CUBN: variants seen among roughly 807,000 people sequenced by gnomAD.
The protein encoded by CUBN is cubilin, also known as 460 kDa receptor.
CUBN carries 282 observed loss-of-function variants against 405.3 expected under a neutral mutation model. The observed-to-expected ratio is 0.70, with a 90% CI of 0.63 to 0.77. The LOEUF is 0.77. Ranked by LOEUF, CUBN falls within the 30% of genes least tolerant of loss-of-function variation. The pLI is 0.00. For missense variants in CUBN, 4,514 were observed against 4,475.2 expected, an observed-to-expected ratio of 1.01 and a Z score of -0.25; for synonymous variants, 1,684 against 1,617.0, an observed-to-expected ratio of 1.04 and a Z score of -0.99.
In CUBN at chr10:16,954,378, A is replaced by G; in HGVS notation, c.4855+11T>C. The G allele has an allele frequency of 6.2e-7, 1 of 1,614,080 alleles. No homozygotes were observed. The highest frequency in any genetic ancestry group is 8.5e-7 in the Non-Finnish European group (1 of 1,179,948). Reference sequence around the variant, plus strand: ...TTCTCTTGTGCCTGGGAAGATCCACAGGGTACTTGCCTTGCCTGAATTGAG... The same window carrying G: ...TTCTCTTGTGCCTGGGAAGATCCACGGGGTACTTGCCTTGCCTGAATTGAG... On this transcript the variant is annotated intron_variant, in intron 32 of 66. Coordinates refer to ENST00000377833, the MANE Select transcript of CUBN (RefSeq NM_001081.4).
intron 59 of CUBN, among the ~76,000 whole-genome samples, chr10:16,860,280 G>C (rs1439623419): frequency 1.3e-5 from 2 of 152,016 alleles, no homozygotes; most frequent in East Asian, 1.9e-4. Context: ...TCAGGATAGA[G>C]ACAAGTTGAA....
intron 14 of CUBN, among the ~76,000 whole-genome samples, chr10:17,095,314 G>A (rs1836348168): frequency 6.6e-6 from 1 of 151,870 alleles, no homozygotes; most frequent in South Asian, 2.1e-4. Flanking sequence ...AAACATACAG[G>A]AAAAGCCCTA....
At chr10:16,963,148 A>C (rs1449013906) in intron 31 of CUBN, among the ~76,000 whole-genome samples, 1 of 151,058 alleles carries the variant, frequency 6.6e-6, no homozygotes, top group African/African-American at 2.4e-5. Flanking sequence ...ATTTCGTTCC[A>C]GAAATTCTCA....
intron 29 of CUBN, among the ~76,000 whole-genome samples, chr10:16,987,868 GA>G (rs1169915609): frequency 6.6e-6 from 1 of 152,086 alleles, no homozygotes; most frequent in Non-Finnish European, 1.5e-5. Flanking sequence ...TTAGCTTTCA[GA>G]AAAAAACTTT....
rs41289311 is a variant in CUBN at position 17,088,200 on chromosome 10, G to C, written c.1911C>G (p.Leu637=). Residue 637 remains leucine (L), a synonymous_variant, in exon 15 of 67, where the codon CTC becomes CTG. Transcript: ENST00000377833. ...LVTFTFGTLS[L]EHHDDCNKDY... The stretch of plus-strand genomic sequence containing the variant: ...CTTTGTTGCAGTCATCATGGTGCTC[G>C]AGGCTCAAGGTCCCAAAAGTAAATG... The C allele has an allele frequency of 2.5e-6, 4 of 1,613,252 alleles. No homozygotes were observed. The highest frequency in any genetic ancestry group is 2.7e-5 in the African/African-American group (2 of 74,838).
chr10:16,984,926 C>T (rs1030205921), intron 29 of CUBN, among the ~76,000 whole-genome samples: 1 of 152,218 alleles, frequency 6.6e-6, no homozygotes, highest in Non-Finnish European at 1.5e-5. Context: ...ATGCTATGCA[C>T]CCTCCCTGTG....
chr10:17,064,063 T>C (rs889358793), intron 22 of CUBN, among the ~76,000 whole-genome samples: 1 of 152,220 alleles, frequency 6.6e-6, no homozygotes, highest in Non-Finnish European at 1.5e-5. Flanking sequence ...GTTAACCACC[T>C]GAATGAAGTC....
chr10:17,050,485 G>C (rs1015331491), intron 22 of CUBN, among the ~76,000 whole-genome samples: 2 of 152,210 alleles, frequency 1.3e-5, no homozygotes, highest in African/African-American at 4.8e-5. Flanking sequence ...AAATTCTACA[G>C]AGAAGAAGAA....
chr10:16,887,215 C>A (rs747885636), intron 56 of CUBN, among the ~76,000 whole-genome samples: 3 of 152,090 alleles, frequency 2.0e-5, no homozygotes, highest in Non-Finnish European at 2.9e-5. Context: ...TGTGTGCACA[C>A]GTATGTCTAT....
chr10:16,940,293 A>T (rs1842620391), intron 36 of CUBN, 56 bp from the exon 37 acceptor site: 1 of 1,474,762 alleles, frequency 6.8e-7, no homozygotes, highest in African/African-American at 1.4e-5. Context: ...AGACTTTGGG[A>T]TTCTCCCGGA....
At chr10:16,887,544 C>T (rs947896719) in intron 56 of CUBN, among the ~76,000 whole-genome samples, 2 of 152,126 alleles carry the variant, frequency 1.3e-5, no homozygotes, top group Non-Finnish European at 2.9e-5. Context: ...ACTTATCTTC[C>T]AAGGCTATTA....
intron 31 of CUBN, among the ~76,000 whole-genome samples, chr10:16,980,943 C>T (rs1037469557): frequency 2.6e-5 from 4 of 151,622 alleles, no homozygotes; most frequent in African/African-American, 9.7e-5. Flanking sequence ...TTATATGAAG[C>T]GCAAAGCATT....
intron 48 of CUBN, among the ~76,000 whole-genome samples, chr10:16,913,074 G>C (rs1219970459): frequency 6.6e-6 from 1 of 152,160 alleles, no homozygotes; most frequent in Non-Finnish European, 1.5e-5. Flanking sequence ...CTTGCTTATA[G>C]ATGCCATATA....
intron 33 of CUBN, among the ~76,000 whole-genome samples, 197 bp from the exon 34 acceptor site, chr10:16,950,308 G>A (rs1027018078): frequency 2.6e-5 from 4 of 152,136 alleles, no homozygotes; most frequent in African/African-American, 4.8e-5. Context: ...TAAAAGAGTA[G>A]AATTGGATTA....
Position 17,108,280 on chromosome 10 carries a change from T to C in CUBN, c.1111+1360A>G, listed in dbSNP as rs1012984811. Among the ~76,000 whole-genome samples the C allele has an allele frequency of 3.3e-5, 5 of 152,098 alleles. 1 individual carries two copies. The highest frequency in any genetic ancestry group is 9.7e-5 in the African/African-American group (4 of 41,422). ...CTGAGGACAAGCAGCTAAAATCTGG[T>C]GGAGCCCAGGGAAAAATGCAAGCAG... On this transcript the variant is annotated intron_variant, in intron 10 of 66. Transcript: ENST00000377833.
chr10:17,041,390 A>T (rs575266884), intron 26 of CUBN, among the ~76,000 whole-genome samples, 170 bp from the exon 27 acceptor site: 2 of 152,128 alleles, frequency 1.3e-5, no homozygotes, highest in South Asian at 4.2e-4. Flanking sequence ...ACACACACAC[A>T]TATATATTTG....
At chr10:16,995,218 C>T (rs1028040661) in intron 28 of CUBN, among the ~76,000 whole-genome samples, 1 of 152,284 alleles carries the variant, frequency 6.6e-6, no homozygotes, top group South Asian at 2.1e-4. Flanking sequence ...GGAGTAGACA[C>T]GATTTTAGAA....
chr10:16,904,413 T>C (rs1419565196), intron 50 of CUBN, among the ~76,000 whole-genome samples: 5 of 152,210 alleles, frequency 3.3e-5, no homozygotes, highest in African/African-American at 7.2e-5. Flanking sequence ...AGAGATACAA[T>C]GAATTAAAAT....
intron 43 of CUBN, among the ~76,000 whole-genome samples, chr10:16,924,439 C>T (rs1347875118): frequency 3.3e-5 from 5 of 151,990 alleles, no homozygotes; most frequent in Non-Finnish European, 7.4e-5. Flanking sequence ...ATCTCTTTTA[C>T]CAAAATAAAG....
Sources: gnomAD v4.1 joint callset for allele counts (sites outside exome capture counted in the v4.1 genomes callset) on GRCh38, gnomAD v4.1.1 for gene constraint, MANE v1.5 for transcripts, NCBI Gene and HGNC (gene_info 2026-07-23, HGNC 2026-07-21) for gene names.